FREM1: variants seen among roughly 807,000 people sequenced by gnomAD.
The protein encoded by FREM1 is FRAS1-related extracellular matrix protein 1.
Under a neutral mutation model 210.1 loss-of-function variants are expected in FREM1, and 220 were observed. That is an observed-to-expected ratio of 1.05 (90% CI 0.94 to 1.17). FREM1 has a LOEUF of 1.17. Among genes scored for constraint, FREM1 ranks in the 50% most tolerant of loss-of-function variants. FREM1 has a pLI of 0.00. For synonymous variants in FREM1, 1,189 were observed against 980.2 expected, an observed-to-expected ratio of 1.21 and a Z score of -3.98; for missense variants, 3,454 against 2,675.5, an observed-to-expected ratio of 1.29 and a Z score of -6.42.
At chr9:14,847,576 C>T (rs773468544) in intron 7 of FREM1, among the ~76,000 whole-genome samples, 7 of 152,140 alleles carry the variant, frequency 4.6e-5, no homozygotes, top group Non-Finnish European at 7.4e-5. Context: ...GAGGAACAAT[C>T]GAGAAGCCTA....
intron 1 of FREM1, among the ~76,000 whole-genome samples, chr9:14,891,058 T>C (rs1836738573): frequency 6.6e-6 from 1 of 152,190 alleles, no homozygotes; most frequent in Non-Finnish European, 1.5e-5. Flanking sequence ...GTACCAAAAC[T>C]CACACCTAGG....
intron 1 of FREM1, among the ~76,000 whole-genome samples, chr9:14,891,329 C>T (rs190642514): frequency 2.4e-4 from 36 of 152,238 alleles, no homozygotes; most frequent in East Asian, 5.8e-4. Flanking sequence ...ACAAGTGCTA[C>T]GTTAAGTGCT....
At chr9:14,792,244 G>C (rs1409229774) in intron 22 of FREM1, among the ~76,000 whole-genome samples, 1 of 145,878 alleles carries the variant, frequency 6.9e-6, no homozygotes, top group African/African-American at 2.6e-5. Context: ...CTAGAATTTA[G>C]CTGAAATACA....
intron 29 of FREM1, among the ~76,000 whole-genome samples, chr9:14,754,825 T>C (rs1194005202): frequency 1.3e-5 from 2 of 152,080 alleles, no homozygotes; most frequent in Non-Finnish European, 2.9e-5. Flanking sequence ...TCCCAGCTAC[T>C]TGGGAGGCCA....
chr9:14,737,281 C>T lies in FREM1; in HGVS notation c.*115G>A. 1.6e-6 allele frequency: 1 copy of T among 642,848 alleles called. No homozygotes were observed. The highest frequency in any genetic ancestry group is 2.6e-6 in the Non-Finnish European group (1 of 385,494). 39.8% of individuals were successfully genotyped at this position (642,848 alleles called of 1,614,324 possible). A position where few individuals can be genotyped will look rare whatever the true frequency, so the allele number is the denominator to read the frequency against. On this transcript the variant is annotated 3_prime_UTR_variant, in exon 37 of 37. Transcript: ENST00000380880. Reference sequence around the variant, plus strand: ...ATGTCCCATTTTCACTAGACAGAATCACAAAGGTATACCCACTCAATCATA... The same window carrying T: ...ATGTCCCATTTTCACTAGACAGAATTACAAAGGTATACCCACTCAATCATA...
chr9:14,852,898 A>G (rs1447841042), intron 5 of FREM1, among the ~76,000 whole-genome samples: 1 of 152,244 alleles, frequency 6.6e-6, no homozygotes, highest in African/African-American at 2.4e-5. Context: ...TGAATGTAAG[A>G]CAGGTAGTAA....
At chr9:14,901,218 T>C (rs1838728496) in intron 1 of FREM1, among the ~76,000 whole-genome samples, 1 of 152,232 alleles carries the variant, frequency 6.6e-6, no homozygotes, top group South Asian at 2.1e-4. Flanking sequence ...GCAAAATCAT[T>C]ATTGAGCACA....
At chr9:14,816,691 A>T in intron 15 of FREM1, 87 bp downstream of exon 15, 1 of 632,868 alleles carries the variant, frequency 1.6e-6, no homozygotes, top group Non-Finnish European at 2.3e-6. Flanking sequence ...ATTTCTTTTC[A>T]TTATAAATTA....
intron 1 of FREM1, among the ~76,000 whole-genome samples, chr9:14,900,968 TA>T (rs555232028): frequency 2.0e-4 from 31 of 152,238 alleles, no homozygotes; most frequent in Non-Finnish European, 4.6e-4. Context: ...AAGCAAAGCC[TA>T]AAATGAAAGA....
intron 21 of FREM1, among the ~76,000 whole-genome samples, chr9:14,793,686 A>G (rs1851820564): frequency 6.6e-6 from 1 of 152,144 alleles, no homozygotes; most frequent in Non-Finnish European, 1.5e-5. Context: ...ACTCTGTCCA[A>G]CTTTACAGCT....
intron 21 of FREM1, among the ~76,000 whole-genome samples, chr9:14,794,274 G>A (rs1851942540): frequency 6.6e-6 from 1 of 151,948 alleles, no homozygotes; most frequent in Admixed American, 6.6e-5. Context: ...TTACTGCTAT[G>A]GGGAATTGGG....
chr9:14,780,046 G>A (rs1849399952), intron 24 of FREM1, among the ~76,000 whole-genome samples: 1 of 152,120 alleles, frequency 6.6e-6, no homozygotes, highest in South Asian at 2.1e-4. Context: ...TGGAAAAGCT[G>A]ATCAATCAGA....
At chr9:14,881,227 G>C (rs970511700) in intron 1 of FREM1, among the ~76,000 whole-genome samples, 1 of 152,122 alleles carries the variant, frequency 6.6e-6, no homozygotes, top group Non-Finnish European at 1.5e-5. Context: ...CACATAAAAC[G>C]AAGACTTTGA....
chr9:14,808,625 A>G (rs1818802313), intron 16 of FREM1, among the ~76,000 whole-genome samples: 1 of 152,248 alleles, frequency 6.6e-6, no homozygotes, highest in Non-Finnish European at 1.5e-5. Context: ...ATACAAAAGT[A>G]GGCCACATTT....
At chr9:14,814,973 A>G (rs1365536076) in intron 15 of FREM1, among the ~76,000 whole-genome samples, 1 of 152,240 alleles carries the variant, frequency 6.6e-6, no homozygotes, top group African/African-American at 2.4e-5. Context: ...CAGACAAAAA[A>G]AGTAACTCAG....
chr9:14,788,779 C>G (rs1018999042), intron 23 of FREM1, 140 bp downstream of exon 23: 1 of 729,222 alleles, frequency 1.4e-6, no homozygotes, highest in Admixed American at 2.8e-5. Context: ...GATCTAAACA[C>G]AAATGATAGA....
rs147003726 is a variant in FREM1 at position 14,892,478 on chromosome 9, T to C, written c.-268+17436A>G. Among the ~76,000 whole-genome samples the C allele has an allele frequency of 1.5e-3, 224 of 152,232 alleles. 4 individuals are homozygous for C. The East Asian group carries it at 0.033, about 23-fold the overall frequency. On this transcript the variant is annotated intron_variant, in intron 1 of 36. Coordinates refer to ENST00000380880, the MANE Select transcript of FREM1 (RefSeq NM_001379081.2). ...GAACTTGGGTTTGAGACCCAACTTA[T>C]GAAAGTTAGAGTCTTTCCTAAGATT...
At chr9:14,831,407 T>C (rs1424802753) in intron 10 of FREM1, among the ~76,000 whole-genome samples, 1 of 152,242 alleles carries the variant, frequency 6.6e-6, no homozygotes, top group Non-Finnish European at 1.5e-5. Context: ...AATCAGGCTC[T>C]AGGCCTCTTC....
chr9:14,817,140 A>G (rs2130647989), intron 14 of FREM1, among the ~76,000 whole-genome samples: 1 of 152,358 alleles, frequency 6.6e-6, no homozygotes, highest in African/African-American at 2.4e-5. Flanking sequence ...TTCAAATGCC[A>G]CTGTGACAAC....
Sources: gnomAD v4.1 joint callset for allele counts (sites outside exome capture counted in the v4.1 genomes callset) on GRCh38, gnomAD v4.1.1 for gene constraint, MANE v1.5 for transcripts, NCBI Gene and HGNC (gene_info 2026-07-23, HGNC 2026-07-21) for gene names.